DOCK9: variants seen among roughly 807,000 people sequenced by gnomAD.
DOCK9 encodes the protein dedicator of cytokinesis 9.
DOCK9 carries 89 observed loss-of-function variants against 263.3 expected under a neutral mutation model. The ratio of observed to expected loss-of-function variants is 0.34; its 90% CI spans 0.28 to 0.40. The LOEUF (loss-of-function observed/expected upper bound fraction) is 0.40. DOCK9 is among the 10% of genes least tolerant of loss of function. The pLI is 1.00. For missense variants in DOCK9, 2,140 were observed against 2,603.4 expected (o/e 0.82, Z 3.87); for synonymous variants, 976 against 973.1 (o/e 1.00, Z -0.06).
chr13:99,052,893 T>C (rs2040766133), intron 1 of DOCK9, among the ~76,000 whole-genome samples: 1 of 152,138 alleles, frequency 6.6e-6, no homozygotes, highest in Admixed American at 6.5e-5. Context: ...ATTAATCCCT[T>C]ATCAGATGTA....
upstream of DOCK9, chr13:99,088,487 C>G (rs2042395294): frequency 6.6e-6 from 1 of 152,190 alleles, no homozygotes; most frequent in Non-Finnish European, 1.5e-5. Context: ...TAGAGCCTCC[C>G]TTTAGGCTTC....
In DOCK9 at chr13:98,897,475, C is replaced by T; in HGVS notation, c.1709+13G>A. The stretch of plus-strand genomic sequence containing the variant: ...CTATTTTTCAGGTGTGGAAATAAGA[C>T]CTTGAAACTCACTTCCGAAAGTCTG... On this transcript the variant is annotated intron_variant, in intron 15 of 52. Transcript: ENST00000682017. The T allele has an allele frequency of 1.9e-6, 3 of 1,613,324 alleles. No individual in the cohort carries two copies. Among genetic ancestry groups the T allele is most frequent in the Non-Finnish European group, 2.5e-6 (3 of 1,179,616 alleles).
intron 1 of DOCK9, among the ~76,000 whole-genome samples, chr13:98,997,283 G>C (rs538938605): frequency 2.0e-5 from 3 of 152,324 alleles, no homozygotes; most frequent in African/African-American, 7.2e-5. Flanking sequence ...CTTTCCTCTG[G>C]TTATTCAGGC....
chr13:98,944,323 C>G (rs1452998679), intron 2 of DOCK9, among the ~76,000 whole-genome samples: 1 of 139,148 alleles, frequency 7.2e-6, no homozygotes, highest in East Asian at 2.3e-4. Context: ...CCCACTTAAT[C>G]CTAGGTTTTC....
intron 1 of DOCK9, among the ~76,000 whole-genome samples, chr13:99,057,728 A>C (rs1476829920): frequency 6.6e-6 from 1 of 152,244 alleles, no homozygotes; most frequent in Non-Finnish European, 1.5e-5. Context: ...CTTAAAGAAA[A>C]GCAATTTCAA....
chr13:98,850,148 A>G (rs371198931), intron 35 of DOCK9, 35 bp from the exon 36 acceptor site: 5 of 1,338,782 alleles, frequency 3.7e-6, no homozygotes, highest in Non-Finnish European at 4.0e-6. Context: ...ATCACAATAC[A>G]TATGATATAC....
intron 1 of DOCK9, among the ~76,000 whole-genome samples, chr13:99,021,456 G>A (rs767917175): frequency 2.6e-5 from 4 of 152,072 alleles, no homozygotes; most frequent in Non-Finnish European, 4.4e-5. Flanking sequence ...TGGCTAACAC[G>A]GTGAAACCCT....
intron 9 of DOCK9, among the ~76,000 whole-genome samples, chr13:98,913,592 A>G (rs965324362): frequency 3.3e-5 from 5 of 152,226 alleles, no homozygotes; most frequent in Non-Finnish European, 5.9e-5. Context: ...TGATAGATTT[A>G]TTTGTAAAGA....
chr13:99,079,993 T>C (rs1018518169), intron 1 of DOCK9, among the ~76,000 whole-genome samples: 6 of 152,110 alleles, frequency 3.9e-5, no homozygotes, highest in Admixed American at 1.3e-4. Context: ...TGAGCCAAGA[T>C]TGCACCACTG....
At chr13:98,834,194 A>G (rs1349985089) in intron 39 of DOCK9, among the ~76,000 whole-genome samples, 1 of 152,222 alleles carries the variant, frequency 6.6e-6, no homozygotes, top group African/African-American at 2.4e-5. Context: ...AATGCTCAGT[A>G]TCAGTAGTTT....
intron 1 of DOCK9, among the ~76,000 whole-genome samples, chr13:98,977,474 T>C (rs559941356): frequency 7.9e-5 from 12 of 152,362 alleles, no homozygotes; most frequent in Middle Eastern, 6.8e-3. Context: ...AATTAAAATA[T>C]GCTTCCTGGG....
At chr13:98,879,811 A>T (rs1357067284) in intron 27 of DOCK9, 87 bp downstream of exon 27, 9 of 1,129,314 alleles carry the variant, frequency 8.0e-6, no homozygotes, top group Non-Finnish European at 1.1e-5. Context: ...ACTGGCACAG[A>T]GAAAGCATGA....
intron 45 of DOCK9, among the ~76,000 whole-genome samples, chr13:98,813,049 G>A (rs1028189817): frequency 6.6e-6 from 1 of 152,152 alleles, no homozygotes; most frequent in African/African-American, 2.4e-5. Flanking sequence ...GAACTATACA[G>A]TAAAACCATA....
intron 35 of DOCK9, among the ~76,000 whole-genome samples, chr13:98,851,819 C>T (rs1478052255): frequency 6.6e-6 from 1 of 152,096 alleles, no homozygotes; most frequent in Non-Finnish European, 1.5e-5. Context: ...AATAACACTG[C>T]TTTCAAAGAA....
At chr13:99,030,242 G>C (rs1887190984) in intron 1 of DOCK9, among the ~76,000 whole-genome samples, 2 of 152,204 alleles carry the variant, frequency 1.3e-5, no homozygotes, top group Non-Finnish European at 2.9e-5. Flanking sequence ...TTAAAATTCA[G>C]AGTGCTGTAA....
intron 6 of DOCK9, among the ~76,000 whole-genome samples, chr13:98,921,725 A>G (rs958379639): frequency 2.0e-5 from 3 of 152,218 alleles, no homozygotes; most frequent in Non-Finnish European, 4.4e-5. Context: ...CAGGATTGGC[A>G]TGACAGATAG....
intron 1 of DOCK9, among the ~76,000 whole-genome samples, chr13:99,024,509 G>A (rs1223760648): frequency 6.6e-6 from 1 of 152,228 alleles, no homozygotes; most frequent in Non-Finnish European, 1.5e-5. Flanking sequence ...AGTTATGGCT[G>A]TTGAAAAGTT....
intron 10 of DOCK9, among the ~76,000 whole-genome samples, chr13:98,903,847 C>T (rs2048696893): frequency 6.6e-6 from 1 of 152,102 alleles, no homozygotes; most frequent in Non-Finnish European, 1.5e-5. Flanking sequence ...ATGGATTGAC[C>T]TTGAAAACAT....
chr13:99,015,728 T>C (rs4772168), intron 1 of DOCK9: 840,233 of 1,396,442 alleles, frequency 0.6, 256,663 homozygotes, highest in East Asian at 0.88. Context: ...TCACCGGTAC[T>C]GGAACAGAAG....
Sources: allele counts gnomAD v4.1 joint callset (sites outside exome capture counted in the v4.1 genomes callset), GRCh38; gene constraint gnomAD v4.1.1; transcripts MANE v1.5; gene names NCBI Gene and HGNC (gene_info 2026-07-23, HGNC 2026-07-21).